Variants in DOK5 observed in about 807,000 individuals in gnomAD.
DOK5 encodes downstream of tyrosine kinase 5.
In DOK5, 27 loss-of-function variants were observed where a neutral mutation model predicts 43.3. The observed-to-expected ratio is 0.62, with a 90% CI of 0.46 to 0.86. The LOEUF (loss-of-function observed/expected upper bound fraction) is 0.86. Ranked by LOEUF, DOK5 falls within the 40% of genes least tolerant of loss-of-function variation. DOK5 has a pLI of 0.00. For synonymous variants in DOK5, 146 were observed against 140.1 expected (o/e 1.04, Z -0.30); for missense variants, 373 against 392.9 (o/e 0.95, Z 0.43).
chr20:54,550,240 T>C (rs1984481301), intron 1 of DOK5, among the ~76,000 whole-genome samples: 1 of 152,056 alleles, frequency 6.6e-6, no homozygotes, highest in Non-Finnish European at 1.5e-5. Context: ...GATTAGGCTG[T>C]AATTTTAAGA....
chr20:54,637,979 A>T (rs376053111), intron 6 of DOK5, among the ~76,000 whole-genome samples: 1 of 152,122 alleles, frequency 6.6e-6, no homozygotes, highest in African/African-American at 2.4e-5. Context: ...ATAATCAGCC[A>T]GGCGTGGTGG....
chr20:54,526,468 C>T (rs752768167), intron 1 of DOK5, among the ~76,000 whole-genome samples: 18 of 152,304 alleles, frequency 1.2e-4, no homozygotes, highest in Middle Eastern at 3.4e-3. Context: ...TGGAAGCTGA[C>T]AAGTCTGATG....
At chr20:54,506,296 C>T (rs749555529) in intron 1 of DOK5, among the ~76,000 whole-genome samples, 12 of 152,102 alleles carry the variant, frequency 7.9e-5, no homozygotes, top group Non-Finnish European at 1.6e-4. Context: ...GGTTAAGAGT[C>T]AGAATCAAAG....
chr20:54,528,352 T>C (rs991812896), intron 1 of DOK5, among the ~76,000 whole-genome samples: 2 of 152,176 alleles, frequency 1.3e-5, no homozygotes, highest in African/African-American at 4.8e-5. Flanking sequence ...TTTTCTTTCA[T>C]GGGAAAGAAG....
At chr20:54,564,942 T>A (rs1438093987) in intron 2 of DOK5, among the ~76,000 whole-genome samples, 1 of 152,232 alleles carries the variant, frequency 6.6e-6, no homozygotes, top group Non-Finnish European at 1.5e-5. Context: ...TACAATGACC[T>A]CCCTTCATTT....
intron 1 of DOK5, among the ~76,000 whole-genome samples, chr20:54,510,961 AC>A (rs146939686): frequency 9.6e-4 from 146 of 152,318 alleles, no homozygotes; most frequent in African/African-American, 3.3e-3. Flanking sequence ...GCATCTGAGG[AC>A]AGTCAAACCC....
chr20:54,629,241 C>T (rs144503774), intron 6 of DOK5, among the ~76,000 whole-genome samples: 2 of 152,312 alleles, frequency 1.3e-5, no homozygotes, highest in South Asian at 2.1e-4. Context: ...GAGTAATGCA[C>T]TTAACATATC....
chr20:54,602,088 C>G (rs1340929777), intron 5 of DOK5, among the ~76,000 whole-genome samples: 2 of 152,116 alleles, frequency 1.3e-5, no homozygotes. Context: ...AAATATGTGG[C>G]TGTGCCTCTC....
intron 1 of DOK5, among the ~76,000 whole-genome samples, chr20:54,509,668 G>A (rs1216986658): frequency 6.6e-6 from 1 of 152,186 alleles, no homozygotes; most frequent in Non-Finnish European, 1.5e-5. Context: ...AGTGATGAGA[G>A]CATTTATTAT....
intron 1 of DOK5, among the ~76,000 whole-genome samples, chr20:54,491,668 A>G (rs1479647557): frequency 1.3e-5 from 2 of 152,186 alleles, no homozygotes; most frequent in African/African-American, 4.8e-5. Flanking sequence ...TCACCTCTGC[A>G]CAGGAAGGGT....
chr20:54,569,812 T>A (rs1367964173), intron 2 of DOK5, among the ~76,000 whole-genome samples: 2 of 152,334 alleles, frequency 1.3e-5, no homozygotes, highest in East Asian at 3.9e-4. Flanking sequence ...CAAGGAGACG[T>A]CCACATTTAT....
intron 1 of DOK5, among the ~76,000 whole-genome samples, chr20:54,506,573 C>T (rs184707171): frequency 4.6e-5 from 7 of 152,314 alleles, no homozygotes; most frequent in Admixed American, 3.3e-4. Context: ...CGATCTCCCA[C>T]GTCAGCCTCC....
intron 1 of DOK5, among the ~76,000 whole-genome samples, chr20:54,501,466 C>CAAAAAAAAA (rs76224592): frequency 3.6e-4 from 7 of 19,396 alleles, no homozygotes; most frequent in Admixed American, 7.0e-4. Flanking sequence ...GACTCACTCT[C>CAAAAAAAAA]AAAAAAAAAA....
intron 2 of DOK5, among the ~76,000 whole-genome samples, chr20:54,567,308 G>A (rs78387748): frequency 0.035 from 5,266 of 152,146 alleles, 128 homozygotes; most frequent in Non-Finnish European, 0.053. Context: ...AAAAGGTATA[G>A]TTTTAAGTTT....
intron 6 of DOK5, among the ~76,000 whole-genome samples, chr20:54,624,259 G>A (rs1484478129): frequency 6.6e-6 from 1 of 152,190 alleles, no homozygotes; most frequent in Non-Finnish European, 1.5e-5. Context: ...TTGGCATCTT[G>A]TCACAAAAGC....
chr20:54,547,597 G>A (rs1330092615), intron 1 of DOK5, among the ~76,000 whole-genome samples: 1 of 152,098 alleles, frequency 6.6e-6, no homozygotes, highest in Non-Finnish European at 1.5e-5. Context: ...TTAAACCAGG[G>A]CTAAGCAATT....
intron 7 of DOK5, among the ~76,000 whole-genome samples, chr20:54,644,953 T>G (rs575469140): frequency 4.1e-4 from 59 of 145,598 alleles, no homozygotes; most frequent in African/African-American, 1.4e-3. Flanking sequence ...TAAGAATAGC[T>G]TATTATGTTA....
intron 6 of DOK5, among the ~76,000 whole-genome samples, chr20:54,632,948 G>A (rs146160663): frequency 0.013 from 2,051 of 152,146 alleles, 25 homozygotes; most frequent in South Asian, 0.021. Flanking sequence ...GTGGTGGTGC[G>A]TCCCTGTAAT....
chr20:54,628,837 G>A (rs1978436781), intron 6 of DOK5, among the ~76,000 whole-genome samples: 1 of 151,972 alleles, frequency 6.6e-6, no homozygotes, highest in African/African-American at 2.4e-5. Flanking sequence ...CAGAAATACC[G>A]ACTTTTCAGA....
Sources: allele counts gnomAD v4.1 joint callset (sites outside exome capture counted in the v4.1 genomes callset), GRCh38; gene constraint gnomAD v4.1.1; transcripts MANE v1.5; gene names NCBI Gene and HGNC (gene_info 2026-07-23, HGNC 2026-07-21).